The following KCNN2 variants were observed in gnomAD, a reference collection of about 807,000 sequenced individuals.
KCNN2 encodes the protein small conductance calcium-activated potassium channel protein 2.
KCNN2 carries 24 observed loss-of-function variants against 55.5 expected under a neutral mutation model. The observed-to-expected ratio is 0.43, with a 90% CI of 0.31 to 0.61. The LOEUF (loss-of-function observed/expected upper bound fraction) is 0.61, where lower values mean the gene tolerates loss of function less well. KCNN2 is among the 20% of genes least tolerant of loss of function. The pLI, the probability that KCNN2 is intolerant of heterozygous loss-of-function variation, is 0.08. For synonymous variants in KCNN2, 431 were observed against 336.1 expected (o/e 1.28, Z -3.09); for missense variants, 754 against 853.6 (o/e 0.88, Z 1.45).
chr5:114,362,267 C>A lies in KCNN2; in HGVS notation c.128C>A (p.Pro43His). The part of the protein sequence containing the change: ...SQDKPCPPFA[P>H]LPHPHHHPHL... ...GACAAGCCGTGCCCGCCCTTCGCGC[C>A]CCTCCCGCACCCTCACCACCACCCG... The change falls in exon 1 of 8, where the codon CCC becomes CAC. Residue 43 changes from proline (P) to histidine (H), a missense_variant. Pro to His is a moderately conservative substitution (Grantham distance 77). This residue lies in a region of KCNN2 where 381 missense variants were observed against 259.1 expected (regional missense o/e 1.47). Coordinates refer to ENST00000673685, the MANE Select transcript of KCNN2 (RefSeq NM_021614.4). The A allele has an allele frequency of 1.1e-5, 2 of 176,376 alleles. No individual in the cohort carries two copies. Among genetic ancestry groups the A allele is most frequent in the South Asian group, 2.6e-4 (2 of 7,636 alleles). 10.9% of individuals were successfully genotyped at this position (176,376 alleles called of 1,614,324 possible). A position where few individuals can be genotyped will look rare whatever the true frequency, so the allele number is the denominator to read the frequency against.
chr5:114,189,621 T>C (rs1753410457), intron 1 of KCNN2, among the ~76,000 whole-genome samples: 1 of 152,206 alleles, frequency 6.6e-6, no homozygotes, highest in Non-Finnish European at 1.5e-5. Flanking sequence ...TTTTACTTAC[T>C]ATATATCAGG....
chr5:114,482,023 T>C (rs1762250214), intron 5 of KCNN2, among the ~76,000 whole-genome samples: 1 of 152,086 alleles, frequency 6.6e-6, no homozygotes. Flanking sequence ...AAGCAAAAAT[T>C]GACAAATGGG....
At chr5:114,431,149 C>A (rs946945873) in intron 3 of KCNN2, among the ~76,000 whole-genome samples, 3 of 151,980 alleles carry the variant, frequency 2.0e-5, no homozygotes, top group African/African-American at 7.2e-5. Context: ...CTCTAGAAGA[C>A]GTTGTAGAGA....
At chr5:114,322,212 C>T (rs1157619852) in intron 2 of KCNN2, among the ~76,000 whole-genome samples, 1 of 152,126 alleles carries the variant, frequency 6.6e-6, no homozygotes, top group Non-Finnish European at 1.5e-5. Context: ...GTTCCTCAAC[C>T]AGAAAATGAC....
chr5:114,135,100 A>G (rs890350153), intron 1 of KCNN2, among the ~76,000 whole-genome samples: 1 of 152,136 alleles, frequency 6.6e-6, no homozygotes, highest in African/African-American at 2.4e-5. Context: ...AGAATAAGAC[A>G]AGGAGTGTAG....
chr5:114,069,304 A>G (rs1210431214), intron 1 of KCNN2, among the ~76,000 whole-genome samples: 1 of 152,016 alleles, frequency 6.6e-6, no homozygotes, highest in Non-Finnish European at 1.5e-5. Context: ...TACTGGGATT[A>G]TGTTCACTAC....
chr5:114,065,661 G>A (rs956005939), intron 1 of KCNN2, among the ~76,000 whole-genome samples: 9 of 152,066 alleles, frequency 5.9e-5, no homozygotes, highest in East Asian at 1.9e-4. Flanking sequence ...ATTTGCAAAA[G>A]TGATAAGTAG....
At chr5:114,402,647 G>A (rs1758821251) in intron 2 of KCNN2, among the ~76,000 whole-genome samples, 1 of 152,192 alleles carries the variant, frequency 6.6e-6, no homozygotes, top group Non-Finnish European at 1.5e-5. Flanking sequence ...GATACTGTGG[G>A]GAAAGTGCAT....
chr5:114,282,244 T>C (rs1365610212), intron 2 of KCNN2, among the ~76,000 whole-genome samples: 1 of 152,110 alleles, frequency 6.6e-6, no homozygotes, highest in South Asian at 2.1e-4. Flanking sequence ...AATCATTCCT[T>C]TGTATGGGGA....
At chr5:114,160,063 T>C (rs1390454996) in intron 1 of KCNN2, among the ~76,000 whole-genome samples, 1 of 152,194 alleles carries the variant, frequency 6.6e-6, no homozygotes, top group Admixed American at 6.5e-5. Flanking sequence ...ATGTGTTTGC[T>C]CTTGCTTCTC....
At chr5:114,380,347 G>A (rs139162161) in intron 2 of KCNN2, among the ~76,000 whole-genome samples, 1 of 152,202 alleles carries the variant, frequency 6.6e-6, no homozygotes, top group African/African-American at 2.4e-5. Context: ...ACATGGTGCT[G>A]TCACAACAAT....
chr5:114,157,053 G>A (rs1168127614), intron 1 of KCNN2, among the ~76,000 whole-genome samples: 1 of 151,414 alleles, frequency 6.6e-6, no homozygotes, highest in Non-Finnish European at 1.5e-5. Context: ...TGTGCACAAT[G>A]TGCAGGTTTG....
At chr5:114,438,941 C>A (rs1162438229) in intron 3 of KCNN2, among the ~76,000 whole-genome samples, 1 of 152,090 alleles carries the variant, frequency 6.6e-6, no homozygotes, top group Non-Finnish European at 1.5e-5. Flanking sequence ...TCTGTGGTGT[C>A]ATTATAAAAT....
intron 2 of KCNN2, among the ~76,000 whole-genome samples, chr5:114,372,514 A>T (rs961199566): frequency 6.6e-6 from 1 of 152,158 alleles, no homozygotes; most frequent in Non-Finnish European, 1.5e-5. Flanking sequence ...AGGAAATAAG[A>T]CTGATTTGCT....
chr5:114,281,504 A>G (rs1266442659), intron 2 of KCNN2, among the ~76,000 whole-genome samples: 2 of 152,042 alleles, frequency 1.3e-5, no homozygotes, highest in Admixed American at 6.6e-5. Context: ...AAGACCTTGT[A>G]GAATCTTGTT....
intron 1 of KCNN2, among the ~76,000 whole-genome samples, chr5:114,214,229 T>C (rs1442494810): frequency 6.6e-6 from 1 of 151,934 alleles, no homozygotes; most frequent in East Asian, 1.9e-4. Context: ...TACTCAGATA[T>C]GTCATTGTAG....
At chr5:114,248,820 C>G (rs942055638) in intron 2 of KCNN2, among the ~76,000 whole-genome samples, 3 of 152,090 alleles carry the variant, frequency 2.0e-5, no homozygotes, top group African/African-American at 4.8e-5. Flanking sequence ...TTAAGTTGCC[C>G]CTATTAATCC....
intron 2 of KCNN2, among the ~76,000 whole-genome samples, chr5:114,376,665 C>T (rs571958466): frequency 6.6e-6 from 1 of 152,320 alleles, no homozygotes; most frequent in South Asian, 2.1e-4. Context: ...ATGACCTGTA[C>T]ATTCAGTGGG....
At chr5:114,251,263 T>A (rs932858793) in intron 2 of KCNN2, among the ~76,000 whole-genome samples, 1 of 152,218 alleles carries the variant, frequency 6.6e-6, no homozygotes, top group African/African-American at 2.4e-5. Flanking sequence ...TTTCTAAACA[T>A]TTACTTTTGT....
Sources: allele counts gnomAD v4.1 joint callset (sites outside exome capture counted in the v4.1 genomes callset), GRCh38; gene constraint gnomAD v4.1.1; regional missense constraint gnomAD v4.1.1; transcripts MANE v1.5; gene names NCBI Gene and HGNC (gene_info 2026-07-23, HGNC 2026-07-21).